The following TAF4B variants were observed in gnomAD, a reference collection of about 807,000 sequenced individuals.
TAF4B encodes transcription initiation factor TFIID subunit 4B.
A neutral mutation model predicts 86.4 loss-of-function variants in TAF4B; 38 were observed. That is an observed-to-expected ratio of 0.44 (90% confidence interval 0.34 to 0.58). The LOEUF (loss-of-function observed/expected upper bound fraction) is 0.58. Ranked by LOEUF, TAF4B falls within the 20% of genes least tolerant of loss-of-function variation. The probability of loss-of-function intolerance (pLI) is 0.02; values close to 1 mark genes in which losing one functional copy is unlikely to be tolerated. For synonymous variants in TAF4B, 388 were observed against 391.2 expected (o/e 0.99, Z 0.10); for missense variants, 988 against 1,027.6 (o/e 0.96, Z 0.53).
intron 13 of TAF4B, among the ~76,000 whole-genome samples, chr18:26,357,397 A>T (rs1302459811): frequency 6.6e-6 from 1 of 152,320 alleles, no homozygotes; most frequent in African/African-American, 2.4e-5. Context: ...TTAATCCTTC[A>T]GGCATTTCTT....
chr18:26,249,062 C>T (rs944316509), intron 1 of TAF4B, among the ~76,000 whole-genome samples: 1 of 151,470 alleles, frequency 6.6e-6, no homozygotes, highest in African/African-American at 2.4e-5. Flanking sequence ...ATCCCAGCTA[C>T]TCTGGAGGCT....
At chr18:26,345,829 C>CTA (rs1269311649) in intron 13 of TAF4B, among the ~76,000 whole-genome samples, 3 of 152,114 alleles carry the variant, frequency 2.0e-5, no homozygotes, top group African/African-American at 7.2e-5. Flanking sequence ...AGAGGCTAAT[C>CTA]ATAAGGAAGT....
At chr18:26,340,064 A>T (rs73946369) in intron 13 of TAF4B, among the ~76,000 whole-genome samples, 17,128 of 152,222 alleles carry the variant, frequency 0.11, 986 homozygotes, top group African/African-American at 0.14. Flanking sequence ...AACTGGGAAA[A>T]AGAATAAATA....
Position 26,266,611 on chromosome 18 carries a change from C to T in TAF4B, c.490-905C>T, listed in dbSNP as rs183469377. Among the ~76,000 whole-genome samples the T allele has an allele frequency of 3.3e-3, 496 of 152,022 alleles. 1 individual carries two copies. Among genetic ancestry groups the T allele is most frequent in the Non-Finnish European group, 4.7e-3 (318 of 67,974 alleles). The stretch of plus-strand genomic sequence containing the variant: ...GCGCGGTGACTCACGCCTGTAATCC[C>T]AGCACTTTGGGAGGCTGAGGTGGGT... On this transcript the variant is annotated intron_variant, in intron 2 of 14. Coordinates refer to ENST00000269142, the MANE Select transcript of TAF4B (RefSeq NM_005640.3).
intron 9 of TAF4B, among the ~76,000 whole-genome samples, chr18:26,303,700 T>C (rs1463908348): frequency 1.5e-5 from 2 of 130,946 alleles, no homozygotes; most frequent in African/African-American, 2.8e-5. Flanking sequence ...CCCTCCACTT[T>C]CATACTCCTT....
chr18:26,375,211 G>A (rs2057434806), intron 14 of TAF4B, among the ~76,000 whole-genome samples: 1 of 152,078 alleles, frequency 6.6e-6, no homozygotes, highest in South Asian at 2.1e-4. Context: ...TGAGCATAAT[G>A]TTTTCATGGT....
intron 13 of TAF4B, among the ~76,000 whole-genome samples, chr18:26,346,865 ATATATATATG>A (rs2057197905): frequency 1.2e-4 from 1 of 8,390 alleles, no homozygotes; most frequent in African/African-American, 3.6e-4. Context: ...ATATGTGTAT[ATATATATATG>A]TGTATATATA....
chr18:26,286,640 C>A, intron 7 of TAF4B, 141 bp downstream of exon 7: 5 of 845,626 alleles, frequency 5.9e-6, no homozygotes, highest in Non-Finnish European at 7.0e-6. Context: ...TTTTTTACCT[C>A]ATTTGCTTTG....
chr18:26,265,188 G>T lies in TAF4B; in HGVS notation c.362G>T (p.Ser121Ile), dbSNP rs754154140. ...AATATAGGAACCGTTTTGATTAAAA[G>T]TAACAGTGGTCCGTTGATGTTGGTA... ...QLPPGTVLIK[S>I]NSGPLMLVSP... Residue 121 changes from serine to isoleucine, a missense_variant, in exon 2 of 15, where the codon AGT becomes ATT. Around this residue, in one of 3 missense-constraint regions of TAF4B, gnomAD observed 747 missense variants for 737.9 expected, o/e 1.01. Transcript: ENST00000269142. The T allele has an allele frequency of 1.2e-6, 2 of 1,612,160 alleles. No individual in the cohort carries two copies. Among genetic ancestry groups the T allele is most frequent in the Admixed American group, 3.4e-5 (2 of 59,590 alleles).
intron 1 of TAF4B, among the ~76,000 whole-genome samples, chr18:26,261,103 C>T (rs955011781): frequency 6.6e-6 from 1 of 151,386 alleles, no homozygotes; most frequent in African/African-American, 2.4e-5. Flanking sequence ...AGTGAGGTCT[C>T]CTTTTGCTAC....
chr18:26,231,654 A>G (rs1768314123), intron 1 of TAF4B, among the ~76,000 whole-genome samples: 1 of 151,868 alleles, frequency 6.6e-6, no homozygotes, highest in African/African-American at 2.4e-5. Context: ...TGCCCCGTCT[A>G]TTGTGTCTTT....
intron 14 of TAF4B, among the ~76,000 whole-genome samples, chr18:26,375,089 A>G (rs1244652206): frequency 6.6e-6 from 1 of 152,184 alleles, no homozygotes; most frequent in East Asian, 1.9e-4. Flanking sequence ...TCATCCTCTC[A>G]GTTCCTGACA....
At chr18:26,320,004 G>A (rs1262920366) in intron 10 of TAF4B, among the ~76,000 whole-genome samples, 1 of 152,066 alleles carries the variant, frequency 6.6e-6, no homozygotes, top group Non-Finnish European at 1.5e-5. Flanking sequence ...CATTTTGAAG[G>A]GTTGGTTTAG....
At chr18:26,300,040 G>A (rs944920585) in intron 9 of TAF4B, among the ~76,000 whole-genome samples, 2 of 151,904 alleles carry the variant, frequency 1.3e-5, no homozygotes, top group African/African-American at 4.8e-5. Flanking sequence ...TCACTCTGTG[G>A]CCCAGATTAG....
At position 26,389,954 on chromosome 18, in the gene TAF4B, TGGAACA is replaced by T; in HGVS notation, c.2537_2542del (p.Gln846_Glu847del). ...TGCCTCAGGGACTTGATATTTTGTA[TGGAACA>T]GGAACGGGAGATGAAGTATTCTCGA... On this transcript the variant is annotated inframe_deletion, in exon 15 of 15. Coordinates refer to ENST00000269142, the MANE Select transcript of TAF4B (RefSeq NM_005640.3). 6.2e-7 allele frequency: 1 copy of T among 1,614,174 alleles called. No individual in the cohort carries two copies. Among genetic ancestry groups the T allele is most frequent in the Non-Finnish European group, 8.5e-7 (1 of 1,180,014 alleles).
At chr18:26,311,212 G>A (rs2056850946) in intron 9 of TAF4B, among the ~76,000 whole-genome samples, 1 of 151,926 alleles carries the variant, frequency 6.6e-6, no homozygotes, top group South Asian at 2.1e-4. Flanking sequence ...AGACAAACAT[G>A]TGCTCTCAGG....
At chr18:26,257,675 T>C (rs543695095) in intron 1 of TAF4B, among the ~76,000 whole-genome samples, 157 of 152,304 alleles carry the variant, frequency 1.0e-3, no homozygotes, top group African/African-American at 3.8e-3. Flanking sequence ...GTAACACTTA[T>C]CCTTTGTAAT....
intron 13 of TAF4B, among the ~76,000 whole-genome samples, chr18:26,345,207 C>T (rs2057167196): frequency 6.6e-6 from 1 of 152,204 alleles, no homozygotes. Context: ...GTCTGAAAAG[C>T]CGCTCCACTG....
intron 3 of TAF4B, among the ~76,000 whole-genome samples, chr18:26,274,153 C>T (rs956709709): frequency 2.0e-5 from 3 of 152,050 alleles, no homozygotes; most frequent in Non-Finnish European, 4.4e-5. Context: ...TAAGATACCA[C>T]GTTTTATAAT....
Sources: gnomAD v4.1 joint callset for allele counts (sites outside exome capture counted in the v4.1 genomes callset) on GRCh38, gnomAD v4.1.1 for gene constraint, gnomAD v4.1.1 regional missense constraint, MANE v1.5 for transcripts, NCBI Gene and HGNC (gene_info 2026-07-23, HGNC 2026-07-21) for gene names.